Variants in PRKG1 observed in about 807,000 individuals in gnomAD.
PRKG1 encodes cGMP-dependent protein kinase 1.
Under a neutral mutation model 88.1 loss-of-function variants are expected in PRKG1, and 35 were observed. That is an observed-to-expected ratio of 0.40 (90% CI 0.30 to 0.53). The LOEUF (loss-of-function observed/expected upper bound fraction) is 0.53. Ranked by LOEUF, PRKG1 falls within the 20% of genes least tolerant of loss-of-function variation. PRKG1 has a pLI of 0.59. For missense variants in PRKG1, 540 were observed against 839.8 expected, an observed-to-expected ratio of 0.64 and a Z score of 4.41; for synonymous variants, 303 against 292.5, an observed-to-expected ratio of 1.04 and a Z score of -0.37.
chr10:51,061,203 G>A (rs898449265), intron 1 of PRKG1, among the ~76,000 whole-genome samples: 2 of 152,262 alleles, frequency 1.3e-5, no homozygotes, highest in Middle Eastern at 6.8e-3. Context: ...CACAGTCATG[G>A]TGGAAGACGA....
intron 3 of PRKG1, among the ~76,000 whole-genome samples, chr10:51,477,518 A>G (rs61849782): frequency 0.045 from 6,888 of 151,850 alleles, 243 homozygotes; most frequent in Middle Eastern, 0.15. Context: ...CCCTGGGAAA[A>G]CAATTTAATG....
intron 5 of PRKG1, among the ~76,000 whole-genome samples, chr10:51,990,573 CTTTTA>C (rs768785194): frequency 7.9e-5 from 12 of 151,452 alleles, no homozygotes; most frequent in Non-Finnish European, 1.2e-4. Flanking sequence ...ATTTTTATAA[CTTTTA>C]TTTTAAGTTC....
intron 5 of PRKG1, among the ~76,000 whole-genome samples, chr10:51,997,799 C>T (rs1844489466): frequency 6.6e-6 from 1 of 151,998 alleles, no homozygotes; most frequent in Non-Finnish European, 1.5e-5. Flanking sequence ...TTTTCTTCCT[C>T]CTTTTCTTTT....
At chr10:52,034,596 C>T (rs1845557082) in intron 5 of PRKG1, among the ~76,000 whole-genome samples, 1 of 151,314 alleles carries the variant, frequency 6.6e-6, no homozygotes, top group African/African-American at 2.4e-5. Flanking sequence ...GTCCTGCCAG[C>T]AAAGATTATT....
chr10:52,034,881 G>A (rs1294420168), intron 5 of PRKG1, among the ~76,000 whole-genome samples: 1 of 152,216 alleles, frequency 6.6e-6, no homozygotes, highest in Non-Finnish European at 1.5e-5. Flanking sequence ...GTACCCTGCA[G>A]CATTCCGAGG....
At chr10:51,888,991 G>T (rs916165209) in intron 4 of PRKG1, among the ~76,000 whole-genome samples, 1 of 151,298 alleles carries the variant, frequency 6.6e-6, no homozygotes, top group African/African-American at 2.4e-5. Context: ...TTCTTTATAT[G>T]CTAATGCTGC....
At chr10:51,725,505 A>G (rs1047808496) in intron 3 of PRKG1, among the ~76,000 whole-genome samples, 1 of 151,692 alleles carries the variant, frequency 6.6e-6, no homozygotes, top group Non-Finnish European at 1.5e-5. Context: ...ATATGAGTCC[A>G]TGCTTAATGG....
chr10:51,992,402 A>G (rs756806924), intron 5 of PRKG1, among the ~76,000 whole-genome samples: 7 of 152,074 alleles, frequency 4.6e-5, no homozygotes, highest in Admixed American at 6.6e-5. Flanking sequence ...TCTTTAATGT[A>G]TTGTAAAAAT....
chr10:51,132,730 A>G (rs1456615409), intron 1 of PRKG1, among the ~76,000 whole-genome samples: 1 of 147,776 alleles, frequency 6.8e-6, no homozygotes, highest in Non-Finnish European at 1.5e-5. Flanking sequence ...TTATATATGT[A>G]ATATAATATA....
chr10:51,577,622 GAA>G (rs1837921693), intron 3 of PRKG1, among the ~76,000 whole-genome samples: 2 of 151,912 alleles, frequency 1.3e-5, no homozygotes, highest in South Asian at 4.1e-4. Context: ...TCAGTTTTGT[GAA>G]TCAATCAGGT....
chr10:52,177,543 A>G (rs542197550), intron 9 of PRKG1, among the ~76,000 whole-genome samples: 18 of 152,118 alleles, frequency 1.2e-4, no homozygotes, highest in Non-Finnish European at 2.5e-4. Flanking sequence ...AGTTCTCTCC[A>G]CTTCCATTTT....
intron 9 of PRKG1, among the ~76,000 whole-genome samples, chr10:52,217,202 G>T (rs1278749323): frequency 6.6e-6 from 1 of 152,066 alleles, no homozygotes; most frequent in African/African-American, 2.4e-5. Context: ...GCCTACTAAG[G>T]AGTAAGTTTA....
chr10:51,706,515 A>AT (rs113549311), intron 3 of PRKG1, among the ~76,000 whole-genome samples: 13,917 of 147,392 alleles, frequency 0.094, 687 homozygotes, highest in African/African-American at 0.12. Context: ...GTCCAGCCCA[A>AT]TTTTTTTTTT....
At chr10:52,024,319 T>TTTG (rs140237388) in intron 5 of PRKG1, among the ~76,000 whole-genome samples, 6 of 139,696 alleles carry the variant, frequency 4.3e-5, no homozygotes, top group African/African-American at 1.8e-4. Flanking sequence ...TTATTTAACT[T>TTTG]TTTTTTTTAT....
At chr10:51,524,306 A>T (rs2132081675) in intron 3 of PRKG1, among the ~76,000 whole-genome samples, 1 of 152,316 alleles carries the variant, frequency 6.6e-6, no homozygotes, top group Middle Eastern at 3.4e-3. Context: ...GAAACTGATC[A>T]TCATCTGGGA....
chr10:51,524,247 G>C (rs181645946), intron 3 of PRKG1, among the ~76,000 whole-genome samples: 374 of 152,160 alleles, frequency 2.5e-3, no homozygotes, highest in Non-Finnish European at 3.9e-3. Context: ...GCAATCTCAC[G>C]TATTTGTTTA....
intron 3 of PRKG1, among the ~76,000 whole-genome samples, chr10:51,706,793 A>G (rs1841616190): frequency 6.6e-6 from 1 of 152,186 alleles, no homozygotes; most frequent in South Asian, 2.1e-4. Context: ...CTGTGGTTCC[A>G]TTTCCACATC....
intron 3 of PRKG1, among the ~76,000 whole-genome samples, chr10:51,556,885 A>T (rs1283174976): frequency 1.3e-5 from 2 of 152,070 alleles, no homozygotes; most frequent in Non-Finnish European, 2.9e-5. Context: ...AAATGTTGAA[A>T]TTATAAAGAA....
chr10:51,050,664 G>A (rs1440911567), intron 1 of PRKG1, among the ~76,000 whole-genome samples: 1 of 152,110 alleles, frequency 6.6e-6, no homozygotes, highest in Non-Finnish European at 1.5e-5. Flanking sequence ...CAGTTCCTCT[G>A]GCTATATACC....
Sources: allele counts gnomAD v4.1 joint callset (sites outside exome capture counted in the v4.1 genomes callset), GRCh38; gene constraint gnomAD v4.1.1; transcripts MANE v1.5; gene names NCBI Gene and HGNC (gene_info 2026-07-23, HGNC 2026-07-21).